Variants in SNX29 observed in about 807,000 individuals in gnomAD.
The protein encoded by SNX29 is sorting nexin-29.
In SNX29, 78 loss-of-function variants were observed where a neutral mutation model predicts 102.1. The observed-to-expected ratio is 0.76, with a 90% CI of 0.64 to 0.92. The LOEUF is 0.92. Ranked by LOEUF, SNX29 falls within the 40% of genes least tolerant of loss-of-function variation. The pLI, the probability that SNX29 is intolerant of heterozygous loss-of-function variation, is 0.00. For missense variants in SNX29, 1,280 were observed against 1,061.7 expected (o/e 1.21, Z -2.86); for synonymous variants, 580 against 414.5 (o/e 1.40, Z -4.85).
intron 19 of SNX29, among the ~76,000 whole-genome samples, chr16:12,502,541 G>A (rs1217447483): frequency 6.6e-6 from 1 of 152,112 alleles, no homozygotes; most frequent in African/African-American, 2.4e-5. Context: ...ACGGTGGCCG[G>A]GGCCTCATTC....
At chr16:12,177,929 G>C (rs1171218470) in intron 13 of SNX29, among the ~76,000 whole-genome samples, 2 of 152,168 alleles carry the variant, frequency 1.3e-5, no homozygotes, top group African/African-American at 4.8e-5. Flanking sequence ...AGATATGATA[G>C]TTTTTTGGCA....
intron 10 of SNX29, among the ~76,000 whole-genome samples, chr16:12,072,500 T>G (rs1250158838): frequency 2.0e-5 from 3 of 152,188 alleles, no homozygotes; most frequent in East Asian, 3.8e-4. Flanking sequence ...AACCAGCCTT[T>G]CATCCCAGGG....
At chr16:12,537,692 G>A (rs2077138011) in intron 20 of SNX29, among the ~76,000 whole-genome samples, 1 of 152,168 alleles carries the variant, frequency 6.6e-6, no homozygotes, top group Non-Finnish European at 1.5e-5. Flanking sequence ...TGGAGCATCT[G>A]AAACTTCACT....
intron 13 of SNX29, among the ~76,000 whole-genome samples, chr16:12,196,622 CTTTTTTTTTTTTTTTT>C (rs2076781204): frequency 7.7e-6 from 1 of 129,668 alleles, no homozygotes; most frequent in Non-Finnish European, 1.6e-5. Flanking sequence ...TTTCTTTTTT[CTTTTTTTTTTTTTTTT>C]GGAGACGGAG....
At chr16:12,450,056 A>G (rs2086237143) in intron 18 of SNX29, among the ~76,000 whole-genome samples, 1 of 151,300 alleles carries the variant, frequency 6.6e-6, no homozygotes, top group Non-Finnish European at 1.5e-5. Flanking sequence ...ATAAGGGAAA[A>G]CCCCTTTTGC....
chr16:12,287,647 C>T (rs1032704767), intron 15 of SNX29, among the ~76,000 whole-genome samples: 12 of 152,236 alleles, frequency 7.9e-5, no homozygotes, highest in Admixed American at 2.0e-4. Flanking sequence ...CATTATCACA[C>T]CCTAAAGTTA....
At chr16:12,260,597 G>A (rs78572812) in intron 14 of SNX29, among the ~76,000 whole-genome samples, 291 of 143,322 alleles carry the variant, frequency 2.0e-3, no homozygotes, top group African/African-American at 7.2e-3. Context: ...CTGGTCTCTT[G>A]GAGTGCGTTC....
chr16:12,171,065 G>T (rs1409594013), intron 13 of SNX29, among the ~76,000 whole-genome samples: 1 of 152,008 alleles, frequency 6.6e-6, no homozygotes, highest in Non-Finnish European at 1.5e-5. Flanking sequence ...CTTTCACTAG[G>T]CCCGGTGCTT....
chr16:12,080,893 G>A (rs146860756), intron 11 of SNX29, among the ~76,000 whole-genome samples: 3 of 151,026 alleles, frequency 2.0e-5, no homozygotes, highest in African/African-American at 4.9e-5. Flanking sequence ...CATGTTGGCC[G>A]GGCTGGTCTT....
At chr16:11,979,486 A>G (rs1239841603) in intron 1 of SNX29, among the ~76,000 whole-genome samples, 1 of 152,210 alleles carries the variant, frequency 6.6e-6, no homozygotes, top group African/African-American at 2.4e-5. Context: ...GGGTTTCCCC[A>G]CTTGTGGGGT....
At chr16:12,052,263 C>T in intron 8 of SNX29, 41 bp downstream of exon 8, 1 of 1,609,328 alleles carries the variant, frequency 6.2e-7, no homozygotes, top group South Asian at 1.1e-5. Context: ...GTCCCCCAGG[C>T]TGGAGTGCCG....
intron 2 of SNX29, among the ~76,000 whole-genome samples, chr16:12,002,287 A>G (rs2056315954): frequency 1.3e-5 from 2 of 152,190 alleles, no homozygotes; most frequent in African/African-American, 2.4e-5. Context: ...ATCTCTACTA[A>G]GAATACAAAA....
rs574242976 is a variant in SNX29 at position 12,261,491 on chromosome 16, C to T, written c.1679-16442C>T. ...GAGCTCGGGTCTGTGTGCGCGCCCCCGGCTGGAGTGAGTGTTTGCTGAGCT... is the reference window on the plus strand; with the variant it reads ...GAGCTCGGGTCTGTGTGCGCGCCCCTGGCTGGAGTGAGTGTTTGCTGAGCT... On this transcript the variant is annotated intron_variant, in intron 14 of 20. Coordinates refer to ENST00000566228, the MANE Select transcript of SNX29 (RefSeq NM_032167.5). 2.0e-4 allele frequency among the ~76,000 whole-genome samples: 28 copies of T among 139,458 alleles called. 1 individual carries two copies. The highest frequency in any genetic ancestry group is 4.1e-3 in the Middle Eastern group (1 of 244). The allele number at this position is 139,458 out of a possible 152,430, so 91.5% of individuals were successfully genotyped here. A position where few individuals can be genotyped will look rare whatever the true frequency, so the allele number is the denominator to read the frequency against.
chr16:12,404,802 A>T (rs991483148), intron 18 of SNX29, among the ~76,000 whole-genome samples: 12 of 152,174 alleles, frequency 7.9e-5, no homozygotes, highest in African/African-American at 2.9e-4. Flanking sequence ...TTGAGATTAG[A>T]AATACCTGGC....
chr16:12,556,118 T>G (rs2141408374), intron 20 of SNX29, among the ~76,000 whole-genome samples: 1 of 152,322 alleles, frequency 6.6e-6, no homozygotes, highest in African/African-American at 2.4e-5. Flanking sequence ...GGGTTATTAC[T>G]CTTATGTTCT....
chr16:12,504,041 C>T (rs1328525219), intron 19 of SNX29, among the ~76,000 whole-genome samples: 2 of 152,158 alleles, frequency 1.3e-5, no homozygotes, highest in Non-Finnish European at 2.9e-5. Flanking sequence ...ACTTGGTAGT[C>T]ACCCCATCCT....
At chr16:12,527,309 A>C (rs781038311) in intron 20 of SNX29, 6 of 531,880 alleles carry the variant, frequency 1.1e-5, no homozygotes, top group South Asian at 9.2e-5. Context: ...GAAAGCAGCG[A>C]GACTGCTGTC....
chr16:12,467,272 C>A (rs1400579576), intron 18 of SNX29, among the ~76,000 whole-genome samples: 1 of 152,212 alleles, frequency 6.6e-6, no homozygotes, highest in Non-Finnish European at 1.5e-5. Flanking sequence ...TAGAGACATA[C>A]ATCTGTGTTC....
At chr16:12,361,684 A>AT (rs996257852) in intron 16 of SNX29, among the ~76,000 whole-genome samples, 1 of 152,044 alleles carries the variant, frequency 6.6e-6, no homozygotes, top group African/African-American at 2.4e-5. Flanking sequence ...TTTTAAATTT[A>AT]TTTTTTTCTT....
Sources: allele counts gnomAD v4.1 joint callset (sites outside exome capture counted in the v4.1 genomes callset), GRCh38; gene constraint gnomAD v4.1.1; transcripts MANE v1.5; gene names NCBI Gene and HGNC (gene_info 2026-07-23, HGNC 2026-07-21).